The following AGBL2 variants were observed in gnomAD, a reference collection of about 807,000 sequenced individuals.
AGBL2 encodes AGBL carboxypeptidase 2, also known as cytosolic carboxypeptidase 2.
A neutral mutation model predicts 103.0 loss-of-function variants in AGBL2; 87 were observed. The ratio of observed to expected loss-of-function variants is 0.84; its 90% confidence interval spans 0.71 to 1.01. AGBL2 has a LOEUF of 1.01. AGBL2 is among the 50% of genes least tolerant of loss of function. The probability of loss-of-function intolerance (pLI) is 0.00; values close to 1 mark genes in which losing one functional copy is unlikely to be tolerated. For missense variants in AGBL2, 904 were observed against 1,023.5 expected (o/e 0.88, Z 1.59); for synonymous variants, 335 against 356.7 (o/e 0.94, Z 0.69).
intron 14 of AGBL2, among the ~76,000 whole-genome samples, chr11:47,674,662 A>T (rs74608150): frequency 0.35 from 53,424 of 151,840 alleles, 10,619 homozygotes; most frequent in South Asian, 0.52. Context: ...GGCTTTTTTT[A>T]AAACTGAGTC....
chr11:47,668,790 C>A, intron 15 of AGBL2, 51 bp downstream of exon 15: 1 of 1,436,488 alleles, frequency 7.0e-7, no homozygotes, highest in South Asian at 1.2e-5. Flanking sequence ...CTGGTAGTGT[C>A]ATGACTTTTT....
chr11:47,696,032 A>AAG (rs2097470586), intron 8 of AGBL2, among the ~76,000 whole-genome samples: 1 of 8,728 alleles, frequency 1.1e-4, no homozygotes, highest in Non-Finnish European at 3.4e-4. Context: ...AAAAAAAAAA[A>AAG]AAAAGAAAAA....
chr11:47,695,027 G>A (rs960465078), intron 8 of AGBL2, among the ~76,000 whole-genome samples: 1 of 152,036 alleles, frequency 6.6e-6, no homozygotes, highest in African/African-American at 2.4e-5. Context: ...GCGGGTGCCT[G>A]TAATTCCAGC....
chr11:47,708,815 A>G (rs1038780847), intron 4 of AGBL2, among the ~76,000 whole-genome samples: 25 of 150,668 alleles, frequency 1.7e-4, no homozygotes, highest in Non-Finnish European at 2.2e-4. Flanking sequence ...TCTGTCTCAA[A>G]AAAAAAAAAA....
At chr11:47,699,130 A>C (rs922760283) in intron 8 of AGBL2, among the ~76,000 whole-genome samples, 13 of 152,208 alleles carry the variant, frequency 8.5e-5, no homozygotes, top group South Asian at 8.3e-4. Flanking sequence ...AGTACTCACT[A>C]AAGTACGTAT....
rs181316487 is a variant in AGBL2 at position 47,687,890 on chromosome 11, C to T, written c.1632-1841G>A. On this transcript the variant is annotated intron_variant, in intron 10 of 18. Coordinates refer to ENST00000525123, the MANE Select transcript of AGBL2 (RefSeq NM_024783.4). ...TGGCGTGATCTCGGCTCACTGCAAC[C>T]TCTGCCTCCCAGGTTCAAGCAATTC... is the stretch of plus-strand genomic sequence containing the variant. Among the ~76,000 whole-genome samples the T allele has an allele frequency of 4.2e-3, 628 of 151,258 alleles. 2 individuals are homozygous for T. Among genetic ancestry groups the T allele is most frequent in the African/African-American group, 0.015 (613 of 41,186 alleles).
At position 47,682,859 on chromosome 11, in the gene AGBL2, G is replaced by A. The variant is rs117293080; in HGVS notation, c.1789-764C>T. ...AGGGGTTCTATTGAGGAGCCTCAGG[G>A]CATTTCTGCTTCATGGAGGGAAGGA... On this transcript the variant is annotated intron_variant, in intron 11 of 18. Coordinates refer to ENST00000525123, the MANE Select transcript of AGBL2 (RefSeq NM_024783.4). 7.8e-3 allele frequency among the ~76,000 whole-genome samples: 1,193 copies of A among 152,242 alleles called. 7 individuals are homozygous for A. Among genetic ancestry groups the A allele is most frequent in the Middle Eastern group, 0.031 (9 of 294 alleles).
intron 9 of AGBL2, among the ~76,000 whole-genome samples, chr11:47,691,448 C>T (rs979885975): frequency 2.0e-5 from 3 of 150,930 alleles, no homozygotes; most frequent in African/African-American, 7.3e-5. Flanking sequence ...TGGCTCATGC[C>T]TGTAATCCCT....
At chr11:47,681,468 T>C (rs2097400950) in intron 12 of AGBL2, among the ~76,000 whole-genome samples, 1 of 152,012 alleles carries the variant, frequency 6.6e-6, no homozygotes. Context: ...GTTTTTTGTT[T>C]GTTTGTTTGT....
chr11:47,699,300 C>T, intron 8 of AGBL2, 146 bp downstream of exon 8: 1 of 471,320 alleles, frequency 2.1e-6, no homozygotes, highest in Non-Finnish European at 3.7e-6. Flanking sequence ...CTGGTTATGA[C>T]TCCTCCTCCA....
At position 47,699,504 on chromosome 11, in the gene AGBL2, T is replaced by C. The variant is rs2097489754; in HGVS notation, c.636A>G (p.Glu212=). The change falls in exon 8 of 19, where the codon GAA becomes GAG. Residue 212 remains glutamate, a synonymous_variant. Coordinates refer to ENST00000525123, the MANE Select transcript of AGBL2 (RefSeq NM_024783.4). ...TCTCTCCTACAATCTCTGGTACCTT[T>C]TCATTTCCTTTAGGCTGATAGAAAT... The part of the protein sequence containing the change: ...PEYFYQPKGN[E]KVPEIVGEKK... The C allele has an allele frequency of 2.5e-6, 4 of 1,610,828 alleles. No homozygotes were observed. The highest frequency in any genetic ancestry group is 3.4e-6 in the Non-Finnish European group (4 of 1,178,372).
At chr11:47,675,375 GTTTTTT>G (rs34044161) in intron 14 of AGBL2, among the ~76,000 whole-genome samples, 1 of 55,098 alleles carries the variant, frequency 1.8e-5, no homozygotes, top group Non-Finnish European at 3.0e-5. Flanking sequence ...CCCCTGCTAA[GTTTTTT>G]TTTTTTTTTT....
At chr11:47,663,433 A>G in intron 17 of AGBL2, among the ~76,000 whole-genome samples, 1 of 152,196 alleles carries the variant, frequency 6.6e-6, no homozygotes, top group Admixed American at 6.6e-5. Context: ...GACTCACAGA[A>G]TATTAAATAG....
At chr11:47,665,885 T>C (rs2097340022) in intron 17 of AGBL2, among the ~76,000 whole-genome samples, 1 of 152,158 alleles carries the variant, frequency 6.6e-6, no homozygotes, top group African/African-American at 2.4e-5. Flanking sequence ...GGCATGTGCC[T>C]GTAATCCCAG....
intron 7 of AGBL2, among the ~76,000 whole-genome samples, chr11:47,700,577 C>T (rs1489835430): frequency 6.9e-6 from 1 of 144,486 alleles, no homozygotes; most frequent in Non-Finnish European, 1.5e-5. Context: ...AAGACTCTGT[C>T]TCAAAATAAA....
chr11:47,667,506 T>C, intron 16 of AGBL2, 65 bp downstream of exon 16: 4 of 1,572,436 alleles, frequency 2.5e-6, no homozygotes, highest in Non-Finnish European at 3.5e-6. Context: ...TTAACCCCCT[T>C]TCCTTATCCC....
chr11:47,667,477 T>C (rs149671966), intron 16 of AGBL2, 94 bp downstream of exon 16: 94 of 1,443,464 alleles, frequency 6.5e-5, no homozygotes, highest in Non-Finnish European at 8.1e-5. Flanking sequence ...TCCATCCCCT[T>C]TTTGGTTTAG....
Position 47,699,529 on chromosome 11 carries a change from T to A in AGBL2, c.611A>T (p.Tyr204Phe). 6.2e-7 allele frequency: 1 copy of A among 1,608,312 alleles called. No individual in the cohort carries two copies. The highest frequency in any genetic ancestry group is 8.5e-7 in the Non-Finnish European group (1 of 1,177,642). ...TTCATTTCCTTTAGGCTGATAGAAA[T>A]ATTCTGGTTGAGGTGGAGCCCACTC... ...HIEWAPPQPE[Y>F]FYQPKGNEKV... Residue 204 changes from tyrosine (Y) to phenylalanine (F), a missense_variant, in exon 8 of 19, where the codon TAT becomes TTT. Coordinates refer to ENST00000525123, the MANE Select transcript of AGBL2 (RefSeq NM_024783.4).
At chr11:47,705,714 G>A (rs2097516217) in intron 5 of AGBL2, 80 bp from the exon 6 acceptor site, 1 of 665,260 alleles carries the variant, frequency 1.5e-6, no homozygotes, top group African/African-American at 1.8e-5. Context: ...AAATGAAAGG[G>A]GGAACTAAAG....
Sources: allele counts gnomAD v4.1 joint callset (sites outside exome capture counted in the v4.1 genomes callset), GRCh38; gene constraint gnomAD v4.1.1; transcripts MANE v1.5; gene names NCBI Gene and HGNC (gene_info 2026-07-23, HGNC 2026-07-21).